EYS: variants seen among roughly 807,000 people sequenced by gnomAD.
The protein encoded by EYS is EGF-like photoreceptor maintenance factor.
EYS carries 250 observed loss-of-function variants against 282.1 expected under a neutral mutation model. The observed-to-expected ratio is 0.89, with a 90% confidence interval of 0.80 to 0.98. The LOEUF (loss-of-function observed/expected upper bound fraction) is 0.98. Among genes scored for constraint, EYS ranks in the 50% least tolerant of loss-of-function variants. The pLI, the probability that EYS is intolerant of heterozygous loss-of-function variation, is 0.00. For missense variants in EYS, 4,016 were observed against 3,709.0 expected (o/e 1.08, Z -2.15); for synonymous variants, 1,355 against 1,282.9 (o/e 1.06, Z -1.20).
chr6:65,075,562 A>C (rs756824371), intron 12 of EYS, among the ~76,000 whole-genome samples: 1 of 152,138 alleles, frequency 6.6e-6, no homozygotes, highest in Non-Finnish European at 1.5e-5. Flanking sequence ...AAAGTTTTAG[A>C]TGAACCCAAA....
At chr6:63,862,401 G>T (rs1452176560) in intron 36 of EYS, among the ~76,000 whole-genome samples, 1 of 151,056 alleles carries the variant, frequency 6.6e-6, no homozygotes, top group Admixed American at 6.6e-5. Flanking sequence ...TTCCGGATGG[G>T]TGCATGTAGG....
At chr6:64,512,317 A>C (rs1777435834) in intron 26 of EYS, among the ~76,000 whole-genome samples, 1 of 152,198 alleles carries the variant, frequency 6.6e-6, no homozygotes, top group Middle Eastern at 3.4e-3. Flanking sequence ...GTTGAAAGAG[A>C]CAGGAGGAGA....
chr6:65,459,968 T>TTTTATATA (rs1477968765), intron 5 of EYS, among the ~76,000 whole-genome samples: 2 of 80,672 alleles, frequency 2.5e-5, no homozygotes, highest in African/African-American at 7.9e-5. Context: ...TTTGTGTATT[T>TTTTATATA]TATATATATA....
intron 11 of EYS, among the ~76,000 whole-genome samples, chr6:65,323,506 T>C (rs1341883624): frequency 1.3e-5 from 2 of 152,178 alleles, no homozygotes; most frequent in South Asian, 2.1e-4. Flanking sequence ...ACTTTGTCTT[T>C]AATACAAAGG....
rs563913480 is a variant in EYS at position 64,718,671 on chromosome 6, A to C, written c.3444-92426T>G. On this transcript the variant is annotated intron_variant, in intron 22 of 42. Coordinates refer to ENST00000503581, the MANE Select transcript of EYS (RefSeq NM_001142800.2). ...CACAGCATAATTGACTGTATCTAACAACTTGTTCAGGTAACATGATCCTCT... is the reference window on the plus strand; with the variant it reads ...CACAGCATAATTGACTGTATCTAACCACTTGTTCAGGTAACATGATCCTCT... 2.5e-4 allele frequency among the ~76,000 whole-genome samples: 38 copies of C among 152,328 alleles called. No homozygotes were observed. The South Asian group carries it at 3.1e-3, about 12-fold the overall frequency.
intron 26 of EYS, among the ~76,000 whole-genome samples, chr6:64,553,882 T>C (rs1017854318): frequency 6.6e-6 from 1 of 152,134 alleles, no homozygotes. Context: ...ATACATATAC[T>C]GTATGTGTTT....
chr6:65,641,652 TACTGC>T (rs1767280419), intron 1 of EYS, among the ~76,000 whole-genome samples: 1 of 152,252 alleles, frequency 6.6e-6, no homozygotes, highest in African/African-American at 2.4e-5. Flanking sequence ...CGTACTGTTT[TACTGC>T]ACTCTTTTTA....
At chr6:65,407,848 G>T (rs938627858) in intron 5 of EYS, among the ~76,000 whole-genome samples, 9 of 150,600 alleles carry the variant, frequency 6.0e-5, no homozygotes, top group African/African-American at 2.0e-4. Flanking sequence ...GGTGAAAGTA[G>T]ATATCATAGT....
At chr6:64,878,472 A>G (rs1766818421) in intron 19 of EYS, among the ~76,000 whole-genome samples, 1 of 152,180 alleles carries the variant, frequency 6.6e-6, no homozygotes, top group Admixed American at 6.6e-5. Flanking sequence ...GTAAAAAGAT[A>G]AAGCTAGAAT....
In EYS at chr6:64,912,662, T is replaced by C. The variant is rs765155122; in HGVS notation, c.2463A>G (p.Gly821=). The change falls in exon 16 of 43, where the codon GGA becomes GGG. Residue 821 remains glycine (G), a synonymous_variant. Transcript: ENST00000503581. Reference sequence around the variant, plus strand: ...GGATGGTAGATTCATGACAAAGACCTCCATTCATGCATGGATCAGAGTCGC... The same window carrying C: ...GGATGGTAGATTCATGACAAAGACCCCCATTCATGCATGGATCAGAGTCGC... The part of the protein sequence containing the change: ...NECDSDPCMN[G]GLCHESTIPG... 6.5e-6 allele frequency: 10 copies of C among 1,547,062 alleles called. No homozygotes were observed. Among genetic ancestry groups the C allele is most frequent in the Non-Finnish European group, 7.9e-6 (9 of 1,143,756 alleles).
At chr6:65,602,081 A>C (rs1370768875) in intron 2 of EYS, among the ~76,000 whole-genome samples, 1 of 151,874 alleles carries the variant, frequency 6.6e-6, no homozygotes, top group African/African-American at 2.4e-5. Context: ...TTTGTTATCA[A>C]ATTGAATGGA....
chr6:64,684,767 G>A (rs1042863729), intron 22 of EYS, among the ~76,000 whole-genome samples: 4 of 151,270 alleles, frequency 2.6e-5, no homozygotes, highest in Non-Finnish European at 5.9e-5. Flanking sequence ...TCAATCCCAA[G>A]GACGTTAATA....
At chr6:64,918,396 A>G (rs982803846) in intron 15 of EYS, among the ~76,000 whole-genome samples, 2 of 152,096 alleles carry the variant, frequency 1.3e-5, no homozygotes, top group Non-Finnish European at 2.9e-5. Context: ...ACAACAAGAA[A>G]AGTAAAATTA....
intron 22 of EYS, among the ~76,000 whole-genome samples, chr6:64,632,037 T>G (rs969842842): frequency 1.4e-5 from 2 of 147,316 alleles, no homozygotes; most frequent in African/African-American, 5.0e-5. Context: ...TAGGATGTAG[T>G]TTAATAATTG....
chr6:64,075,295 G>T (rs1158304699), intron 32 of EYS, among the ~76,000 whole-genome samples: 1 of 151,930 alleles, frequency 6.6e-6, no homozygotes, highest in Non-Finnish European at 1.5e-5. Flanking sequence ...TGGGAAGATG[G>T]CAGACAGAGA....
chr6:65,344,213 C>T (rs777821310), intron 9 of EYS, 36 bp from the exon 10 acceptor site: 1 of 1,510,594 alleles, frequency 6.6e-7, no homozygotes, highest in Non-Finnish European at 9.1e-7. Context: ...TAAATAAACT[C>T]TTACAAACTT....
At chr6:65,402,792 C>T (rs752325406) in intron 6 of EYS, among the ~76,000 whole-genome samples, 187 bp from the exon 7 acceptor site, 14 of 152,022 alleles carry the variant, frequency 9.2e-5, no homozygotes, top group Non-Finnish European at 1.6e-4. Flanking sequence ...CACACTCTTC[C>T]TGCTATGTGA....
chr6:64,184,380 G>T (rs1582395502), intron 31 of EYS, among the ~76,000 whole-genome samples: 1 of 152,248 alleles, frequency 6.6e-6, no homozygotes, highest in East Asian at 1.9e-4. Flanking sequence ...TCATTTTAAA[G>T]TTTTCTTCTT....
intron 35 of EYS, among the ~76,000 whole-genome samples, chr6:63,900,333 A>T (rs1176577563): frequency 2.0e-5 from 3 of 152,206 alleles, no homozygotes; most frequent in African/African-American, 7.2e-5. Flanking sequence ...TTGCTTTATA[A>T]TAACCCTCAT....
Sources: gnomAD v4.1 joint callset for allele counts (sites outside exome capture counted in the v4.1 genomes callset) on GRCh38, gnomAD v4.1.1 for gene constraint, MANE v1.5 for transcripts, NCBI Gene and HGNC (gene_info 2026-07-23, HGNC 2026-07-21) for gene names.